The following TBX4 variants were observed in gnomAD, a reference collection of about 807,000 sequenced individuals.
The protein encoded by TBX4 is T-box transcription factor 4.
A neutral mutation model predicts 54.6 loss-of-function variants in TBX4; 13 were observed. The ratio of observed to expected loss-of-function variants is 0.24; its 90% CI spans 0.15 to 0.38. The LOEUF (loss-of-function observed/expected upper bound fraction) is 0.38. Among genes scored for constraint, TBX4 ranks in the 10% least tolerant of loss-of-function variants. The pLI, the probability that TBX4 is intolerant of heterozygous loss-of-function variation, is 1.00. For missense variants in TBX4, 631 were observed against 728.5 expected, an observed-to-expected ratio of 0.87 and a Z score of 1.54; for synonymous variants, 314 against 306.7, an observed-to-expected ratio of 1.02 and a Z score of -0.25.
chr17:61,465,953 A>G lies in TBX4; in HGVS notation c.401+15A>G. 1 of 1,613,536 alleles carries G rather than the reference A, an allele frequency of 6.2e-7. No individual in the cohort carries two copies. Among genetic ancestry groups the G allele is most frequent in the Non-Finnish European group, 8.5e-7 (1 of 1,179,622 alleles). ...GACAACAAATGGTAAGTGGACCCTG[A>G]CCGCATCACCCACGTTCCCTCAACT... On this transcript the variant is annotated intron_variant, in intron 4 of 8. Coordinates refer to ENST00000644296, the MANE Select transcript of TBX4 (RefSeq NM_001321120.2). The surrounding 1 kb of genome is among the most constrained non-coding windows in gnomAD (Gnocchi z 4.9).
At chr17:61,482,780 C>T in intron 8 of TBX4, 117 bp from the exon 9 acceptor site, 1 of 1,468,334 alleles carries the variant, frequency 6.8e-7, no homozygotes, top group Non-Finnish European at 9.2e-7. Flanking sequence ...AGTGCCATGG[C>T]AACATGGGGA....
Position 61,481,068 on chromosome 17 carries a change from G to A in TBX4, c.1021+749G>A. ...CTTCCGGAATGTTCCCTCAGCCCTG[G>A]TCCTAGGGACTAGCCCAGCAGAGCT... On this transcript the variant is annotated intron_variant, in intron 8 of 8. Coordinates refer to ENST00000644296, the MANE Select transcript of TBX4 (RefSeq NM_001321120.2). This position sits in a 1 kb window ranked among gnomAD's most constrained non-coding sequence, Gnocchi z 4.8. Among the ~76,000 whole-genome samples, 1 of 152,096 alleles carries A rather than the reference G, an allele frequency of 6.6e-6. No homozygotes were observed. The highest frequency in any genetic ancestry group is 1.5e-5 in the Non-Finnish European group (1 of 68,014).
chr17:61,457,540 A>G lies in TBX4; in HGVS notation c.190A>G (p.Ile64Val). Reference protein sequence around the residue: ...VVAAAAAEQTIENIKVGLHEK... With the variant: ...VVAAAAAEQTVENIKVGLHEK... ...TTTCTCTCCCTCCCATCCCCAGACC[A>G]TCGAGAACATCAAGGTGGGGCTGCA... is the stretch of plus-strand genomic sequence containing the variant. The change falls in exon 3 of 9, where the codon ATC (isoleucine) becomes GTC (valine). Residue 64 changes from isoleucine (I) to valine (V), a missense_variant. Ile to Val is a conservative substitution (Grantham distance 29). Coordinates refer to ENST00000644296, the MANE Select transcript of TBX4 (RefSeq NM_001321120.2). The surrounding 1 kb of genome is among the most constrained non-coding windows in gnomAD (Gnocchi z 8.2). The G allele has an allele frequency of 1.2e-6, 2 of 1,613,796 alleles. No individual in the cohort carries two copies. Among genetic ancestry groups the G allele is most frequent in the Non-Finnish European group, 8.5e-7 (1 of 1,179,880 alleles).
rs372115732 is a variant in TBX4 at position 61,482,980 on chromosome 17, C to T, written c.1105C>T (p.Arg369Cys). Reference sequence around the variant, plus strand: ...TTCGGTGGGGGAGGATCACTATTTCCGTTCCCCCCCTCCCTACGACCAGCA... The same window carrying T: ...TTCGGTGGGGGAGGATCACTATTTCTGTTCCCCCCCTCCCTACGACCAGCA... ...PSSVGEDHYF[R>C]SPPPYDQQML... The change falls in exon 9 of 9, where the codon CGT becomes TGT. Residue 369 changes from arginine to cysteine, a missense_variant. Arg to Cys is a radical substitution (Grantham distance 180). Transcript: ENST00000644296. 3.1e-5 allele frequency: 50 copies of T among 1,613,872 alleles called. No individual in the cohort carries two copies. The highest frequency in any genetic ancestry group is 5.3e-5 in the African/African-American group (4 of 74,876).
Position 61,457,681 on chromosome 17 carries a change from G to A in TBX4, c.281+50G>A. On this transcript the variant is annotated intron_variant, in intron 3 of 8. Transcript: ENST00000644296. The surrounding 1 kb of genome is among the most constrained non-coding windows in gnomAD (Gnocchi z 8.2). ...GGGGATGGCGGTGGGGAGCAAGGGG[G>A]GCCAGGGAGGTCCCTTAGAAGTCCT... 1.3e-6 allele frequency: 2 copies of A among 1,572,534 alleles called. No individual in the cohort carries two copies. Among genetic ancestry groups the A allele is most frequent in the Non-Finnish European group, 1.7e-6 (2 of 1,144,604 alleles).
chr17:61,479,928 G>C lies in TBX4; in HGVS notation c.750G>C (p.Arg250=), dbSNP rs1353199086. ...IENNPFAKGF[R]GSDDSDLRVA... is the part of the protein sequence containing the mutation. ...ACAACCCTTTTGCCAAGGGATTCCG[G>C]GGCAGTGATGACAGTGACCTGCGTG... Residue 250 remains arginine (R), a synonymous_variant, in exon 7 of 9, where the codon CGG becomes CGC. Coordinates refer to ENST00000644296, the MANE Select transcript of TBX4 (RefSeq NM_001321120.2). The surrounding 1 kb of genome is among the most constrained non-coding windows in gnomAD (Gnocchi z 6.1). The C allele has an allele frequency of 1.9e-6, 3 of 1,614,012 alleles. No individual in the cohort carries two copies. The highest frequency in any genetic ancestry group is 3.3e-5 in the Admixed American group (2 of 60,002).
In TBX4 at chr17:61,465,810, C is replaced by T; in HGVS notation, c.282-9C>T. On this transcript the variant is annotated splice_polypyrimidine_tract_variant and intron_variant, in intron 3 of 8. Coordinates refer to ENST00000644296, the MANE Select transcript of TBX4 (RefSeq NM_001321120.2). This position sits in a 1 kb window ranked among gnomAD's most constrained non-coding sequence, Gnocchi z 4.9. ...CCACACGCTCCGCCTCACCCCTCGG[C>T]TCCCCCAGGAGGATGTTCCCCAGCT... 1 of 1,613,950 alleles carries T rather than the reference C, an allele frequency of 6.2e-7. No homozygotes were observed. The highest frequency in any genetic ancestry group is 8.5e-7 in the Non-Finnish European group (1 of 1,179,892).
rs1286836373 is a variant in TBX4, at chr17:61,474,032, T to C, written c.550-4595T>C. 1.3e-5 allele frequency among the ~76,000 whole-genome samples: 2 copies of C among 152,204 alleles called. No individual in the cohort carries two copies. The highest frequency in any genetic ancestry group is 6.5e-5 in the Admixed American group (1 of 15,288). ...TTTGAATTTTCCTTGGATGCACCTC[T>C]TATCATCCGGGGTCTCAGTTTTCTT... On this transcript the variant is annotated intron_variant, in intron 5 of 8. Coordinates refer to ENST00000644296, the MANE Select transcript of TBX4 (RefSeq NM_001321120.2). This position sits in a 1 kb window ranked among gnomAD's most constrained non-coding sequence, Gnocchi z 4.6.
chr17:61,476,840 C>T lies in TBX4; in HGVS notation c.550-1787C>T, dbSNP rs1603254301. Among the ~76,000 whole-genome samples the T allele has an allele frequency of 2.6e-5, 4 of 152,354 alleles. No homozygotes were observed. The East Asian group carries it at 5.8e-4, about 22-fold the overall frequency. On this transcript the variant is annotated intron_variant, in intron 5 of 8. Coordinates refer to ENST00000644296, the MANE Select transcript of TBX4 (RefSeq NM_001321120.2). The surrounding 1 kb of genome is among the most constrained non-coding windows in gnomAD (Gnocchi z 6.5). ...GCTCAACCGAGGAGCCCAGGGAAGG[C>T]CAGTACCCACAGCCCAGGTCCTGGC... is the stretch of plus-strand genomic sequence containing the variant.
chr17:61,468,537 C>A (rs980946778), intron 5 of TBX4, among the ~76,000 whole-genome samples: 5 of 152,190 alleles, frequency 3.3e-5, no homozygotes, highest in African/African-American at 4.8e-5. Context: ...CCCGCTTTTA[C>A]GTCCCAGCTC....
In TBX4 at chr17:61,459,733, G is replaced by T. The variant is rs925943473; in HGVS notation, c.281+2102G>T. 6.6e-6 allele frequency among the ~76,000 whole-genome samples: 1 copy of T among 152,260 alleles called. No homozygotes were observed. The highest frequency in any genetic ancestry group is 6.5e-5 in the Admixed American group (1 of 15,304). On this transcript the variant is annotated intron_variant, in intron 3 of 8. Transcript: ENST00000644296. The surrounding 1 kb of genome is among the most constrained non-coding windows in gnomAD (Gnocchi z 4.8). ...GGAATTATGATAATATTTCTAAAAT[G>T]GCTGTGATGATGTTGGCCAATTATG...
chr17:61,473,970 C>T (rs2060599446), intron 5 of TBX4, among the ~76,000 whole-genome samples: 1 of 152,148 alleles, frequency 6.6e-6, no homozygotes, highest in Non-Finnish European at 1.5e-5. Context: ...GGCAAGGCCT[C>T]TTGAGTGGGC....
Position 61,478,368 on chromosome 17 carries a change from A to G in TBX4, c.550-259A>G, listed in dbSNP as rs1428375434. ...CTCAAGTTCTCCATTACCACAGTGA[A>G]TCAACTGGTCACATCAAGGAGGGCC... On this transcript the variant is annotated intron_variant, in intron 5 of 8. Coordinates refer to ENST00000644296, the MANE Select transcript of TBX4 (RefSeq NM_001321120.2). This position sits in a 1 kb window ranked among gnomAD's most constrained non-coding sequence, Gnocchi z 7.4. 1.1e-5 allele frequency: 6 copies of G among 541,590 alleles called. No individual in the cohort carries two copies. Among genetic ancestry groups the G allele is most frequent in the African/African-American group, 1.9e-5 (1 of 52,466 alleles). 33.5% of individuals were successfully genotyped at this position (541,590 alleles called of 1,614,324 possible). A position where few individuals can be genotyped will look rare whatever the true frequency, so the allele number is the denominator to read the frequency against.
chr17:61,464,758 T>G lies in TBX4; in HGVS notation c.282-1061T>G, dbSNP rs1038757831. Among the ~76,000 whole-genome samples the G allele has an allele frequency of 2.6e-5, 4 of 152,000 alleles. No individual in the cohort carries two copies. The highest frequency in any genetic ancestry group is 2.6e-4 in the Admixed American group (4 of 15,270). On this transcript the variant is annotated intron_variant, in intron 3 of 8. Coordinates refer to ENST00000644296, the MANE Select transcript of TBX4 (RefSeq NM_001321120.2). The surrounding 1 kb of genome is among the most constrained non-coding windows in gnomAD (Gnocchi z 5.8). ...GGGGAGGGAGCTGTGCCCAGAGCGT[T>G]TGTGTATGCGCTGTGCTGTTGTGTG...
At chr17:61,469,996 A>C (rs2143831776) in intron 5 of TBX4, among the ~76,000 whole-genome samples, 1 of 152,158 alleles carries the variant, frequency 6.6e-6, no homozygotes, top group African/African-American at 2.4e-5. Flanking sequence ...ATGGGCTTGG[A>C]CTTTTCTTGG....
chr17:61,470,181 C>T (rs3785829), intron 5 of TBX4, among the ~76,000 whole-genome samples: 23,268 of 152,114 alleles, frequency 0.15, 2,099 homozygotes, highest in African/African-American at 0.24. Flanking sequence ...TCCTTCTAGC[C>T]TGGAGATCCC....
chr17:61,471,907 T>A lies in TBX4; in HGVS notation c.549+4250T>A, dbSNP rs796261437. On this transcript the variant is annotated intron_variant, in intron 5 of 8. Coordinates refer to ENST00000644296, the MANE Select transcript of TBX4 (RefSeq NM_001321120.2). ...TGCCCAGCTAATTTTTTTTTTTTTT[T>A]TTTTTTTTTTTTTTTTAGTAGAGAC... Among the ~76,000 whole-genome samples, 146 of 145,270 alleles carry A rather than the reference T, an allele frequency of 1.0e-3. 2 individuals are homozygous for A. The highest frequency in any genetic ancestry group is 3.7e-3 in the African/African-American group (143 of 38,938).
rs1418218349 is a variant in TBX4 at position 61,465,803 on chromosome 17, C to T, written c.282-16C>T. The T allele has an allele frequency of 1.1e-5, 17 of 1,613,672 alleles. No homozygotes were observed. The highest frequency in any genetic ancestry group is 1.3e-5 in the Non-Finnish European group (15 of 1,179,830). ...GCTCTGTCCACACGCTCCGCCTCAC[C>T]CCTCGGCTCCCCCAGGAGGATGTTC... On this transcript the variant is annotated splice_polypyrimidine_tract_variant and intron_variant, in intron 3 of 8. Coordinates refer to ENST00000644296, the MANE Select transcript of TBX4 (RefSeq NM_001321120.2). The surrounding 1 kb of genome is among the most constrained non-coding windows in gnomAD (Gnocchi z 4.9).
At chr17:61,470,301 G>C (rs1366650679) in intron 5 of TBX4, among the ~76,000 whole-genome samples, 1 of 152,214 alleles carries the variant, frequency 6.6e-6, no homozygotes, top group Non-Finnish European at 1.5e-5. Context: ...GACTGTCGGG[G>C]AGGGGGTGTG....
Sources: allele counts gnomAD v4.1 joint callset (sites outside exome capture counted in the v4.1 genomes callset), GRCh38; gene constraint gnomAD v4.1.1; non-coding constraint Gnocchi (gnomAD v3.1); transcripts MANE v1.5; gene names NCBI Gene and HGNC (gene_info 2026-07-23, HGNC 2026-07-21).